The following FBLN5 variants were observed in gnomAD, a reference collection of about 807,000 sequenced individuals.
FBLN5 encodes fibulin 5, also known as fibulin-5.
Under a neutral mutation model 61.6 loss-of-function variants are expected in FBLN5, and 24 were observed. The ratio of observed to expected loss-of-function variants is 0.39; its 90% CI spans 0.28 to 0.55. The LOEUF (loss-of-function observed/expected upper bound fraction) is 0.55. FBLN5 is among the 20% of genes least tolerant of loss of function. The pLI is 0.65. For synonymous variants in FBLN5, 213 were observed against 219.8 expected, an observed-to-expected ratio of 0.97 and a Z score of 0.27; for missense variants, 470 against 594.1, an observed-to-expected ratio of 0.79 and a Z score of 2.17.
At chr14:91,926,039 C>T (rs2055822271) in intron 4 of FBLN5, among the ~76,000 whole-genome samples, 1 of 152,168 alleles carries the variant, frequency 6.6e-6, no homozygotes, top group Admixed American at 6.5e-5. Flanking sequence ...CTTCCTTCCG[C>T]CATTCATTCA....
rs1448018949 is a variant in FBLN5, at chr14:91,943,994, G to C, written c.18-1033C>G. Among the ~76,000 whole-genome samples, 2 of 152,174 alleles carry C rather than the reference G, an allele frequency of 1.3e-5. No homozygotes were observed. Among genetic ancestry groups the C allele is most frequent in the African/African-American group, 2.4e-5 (1 of 41,448 alleles). On this transcript the variant is annotated intron_variant, in intron 1 of 10. Coordinates refer to ENST00000342058, the MANE Select transcript of FBLN5 (RefSeq NM_006329.4). This position sits in a 1 kb window ranked among gnomAD's most constrained non-coding sequence, Gnocchi z 4.0. ...GCAACTCTGCCCTTCGCCACGCACA[G>C]GCTTTAATCCAGTAAGATTGTGGCC...
At chr14:91,911,628 CTT>C (rs995437059) in intron 4 of FBLN5, among the ~76,000 whole-genome samples, 1 of 152,230 alleles carries the variant, frequency 6.6e-6, no homozygotes, top group Non-Finnish European at 1.5e-5. Flanking sequence ...TCCAGCAAGT[CTT>C]TCTCAGCTCG....
Position 91,870,185 on chromosome 14 carries a change from T to C in FBLN5, c.*39A>G. On this transcript the variant is annotated 3_prime_UTR_variant, in exon 11 of 11. Coordinates refer to ENST00000342058, the MANE Select transcript of FBLN5 (RefSeq NM_006329.4). ...TTTCCTCTCTTCTCCTGTCCCTTGG[T>C]GCCAATGAGAGGCAGCGTCGGAGGC... 6.3e-7 allele frequency: 1 copy of C among 1,597,146 alleles called. No individual in the cohort carries two copies.
chr14:91,929,303 T>C (rs973422848), intron 4 of FBLN5, among the ~76,000 whole-genome samples: 7 of 152,130 alleles, frequency 4.6e-5, no homozygotes, highest in Non-Finnish European at 7.4e-5. Context: ...GTCAATACCA[T>C]CCCAGGTACT....
chr14:91,942,645 T>A (rs191229827), intron 2 of FBLN5, among the ~76,000 whole-genome samples: 6 of 152,248 alleles, frequency 3.9e-5, no homozygotes, highest in Admixed American at 2.6e-4. Flanking sequence ...GAACTTATAA[T>A]AAAATAGAAA....
At chr14:91,932,524 G>A (rs1041960228) in intron 4 of FBLN5, among the ~76,000 whole-genome samples, 1 of 152,182 alleles carries the variant, frequency 6.6e-6, no homozygotes, top group African/African-American at 2.4e-5. Context: ...CCTAGAAAAA[G>A]TAAACCGCCG....
intron 4 of FBLN5, among the ~76,000 whole-genome samples, chr14:91,934,309 C>A (rs1315848233): frequency 6.6e-6 from 1 of 152,202 alleles, no homozygotes. Context: ...TCATTCAAAG[C>A]CTGAATGGTT....
Position 91,877,579 on chromosome 14 carries a change from T to C in FBLN5, c.1093A>G (p.Ile365Val), listed in dbSNP as rs140452924. The change falls in exon 10 of 11, where the codon ATC (isoleucine) becomes GTC (valine). Residue 365 changes from isoleucine to valine, a missense_variant. Coordinates refer to ENST00000342058, the MANE Select transcript of FBLN5 (RefSeq NM_006329.4). ...VVSGRSVPAD[I>V]FQMQATTRYP... ...CGGGTCGTGGCTTGCATTTGGAAGA[T>C]GTCAGCGGGAACGGAGCGTCCTGAC... The C allele has an allele frequency of 1.0e-4, 163 of 1,614,058 alleles. No homozygotes were observed. Among genetic ancestry groups the C allele is most frequent in the Non-Finnish European group, 1.3e-4 (156 of 1,180,016 alleles).
At chr14:91,936,074 TA>T (rs1482806764) in intron 4 of FBLN5, among the ~76,000 whole-genome samples, 1 of 152,160 alleles carries the variant, frequency 6.6e-6, no homozygotes, top group Non-Finnish European at 1.5e-5. Flanking sequence ...ACAGCTTCCC[TA>T]ATAGTGGGTT....
intron 3 of FBLN5, among the ~76,000 whole-genome samples, chr14:91,939,337 ATT>A (rs5810562): frequency 0.14 from 15,878 of 115,804 alleles, 1,142 homozygotes; most frequent in African/African-American, 0.28. Context: ...ACCTCCATTA[ATT>A]TTTTTTTTTT....
At chr14:91,892,364 C>T (rs1196980514) in intron 5 of FBLN5, among the ~76,000 whole-genome samples, 1 of 152,130 alleles carries the variant, frequency 6.6e-6, no homozygotes, top group Non-Finnish European at 1.5e-5. Flanking sequence ...CTCCCTGGTC[C>T]CCCTGTTCCT....
At chr14:91,940,000 T>A in intron 3 of FBLN5, 1 of 453,520 alleles carries the variant, frequency 2.2e-6, no homozygotes, top group South Asian at 1.6e-5. Flanking sequence ...TGACTCGCTG[T>A]GTTGGCTTTG....
chr14:91,935,598 G>T (rs1004098873), intron 4 of FBLN5, among the ~76,000 whole-genome samples: 1 of 152,090 alleles, frequency 6.6e-6, no homozygotes, highest in South Asian at 2.1e-4. Flanking sequence ...GTAGACAGGG[G>T]AGAAGTTAGG....
At chr14:91,942,025 A>G (rs899296374) in intron 2 of FBLN5, 1 of 377,970 alleles carries the variant, frequency 2.6e-6, no homozygotes, top group Non-Finnish European at 5.2e-6. Context: ...AAGAGAGAAA[A>G]TGCTCCCCTA....
intron 10 of FBLN5, chr14:91,874,878 A>C (rs1468476558): frequency 1.3e-5 from 2 of 152,414 alleles, no homozygotes; most frequent in Admixed American, 1.3e-4. Context: ...CCCAGGCTGG[A>C]GTGCAGTGGT....
At chr14:91,941,568 G>A (rs1050584377) in intron 2 of FBLN5, among the ~76,000 whole-genome samples, 1 of 152,100 alleles carries the variant, frequency 6.6e-6, no homozygotes, top group Non-Finnish European at 1.5e-5. Flanking sequence ...GAGGGTTCAG[G>A]GGTCCCAGGG....
intron 4 of FBLN5, among the ~76,000 whole-genome samples, chr14:91,926,132 G>A (rs1445455627): frequency 1.3e-5 from 2 of 152,148 alleles, no homozygotes; most frequent in African/African-American, 4.8e-5. Context: ...TTTGTCTCAG[G>A]AATCCCCCTG....
intron 3 of FBLN5, among the ~76,000 whole-genome samples, chr14:91,940,307 C>G (rs529169928): frequency 6.6e-6 from 1 of 152,138 alleles, no homozygotes; most frequent in Admixed American, 6.5e-5. Flanking sequence ...TAATTTGTTA[C>G]GGCAGCCCTA....
Position 91,870,106 on chromosome 14 carries a change from G to T in FBLN5, c.*118C>A. 9.1e-7 allele frequency: 1 copy of T among 1,097,588 alleles called. No homozygotes were observed. The highest frequency in any genetic ancestry group is 1.4e-6 in the Non-Finnish European group (1 of 732,504). The allele number at this position is 1,097,588 out of a possible 1,614,324, so 68.0% of individuals were successfully genotyped here. A position where few individuals can be genotyped will look rare whatever the true frequency, so the allele number is the denominator to read the frequency against. ...AGGAAGTCGGGGCTGACTCTTCGGGGAAACGTTCAGCAGGAAATGCCTAAC... is the reference window on the plus strand; with the variant it reads ...AGGAAGTCGGGGCTGACTCTTCGGGTAAACGTTCAGCAGGAAATGCCTAAC... On this transcript the variant is annotated 3_prime_UTR_variant, in exon 11 of 11. Coordinates refer to ENST00000342058, the MANE Select transcript of FBLN5 (RefSeq NM_006329.4).
Sources: gnomAD v4.1 joint callset for allele counts (sites outside exome capture counted in the v4.1 genomes callset) on GRCh38, gnomAD v4.1.1 for gene constraint, Gnocchi (gnomAD v3.1) non-coding constraint, MANE v1.5 for transcripts, NCBI Gene and HGNC (gene_info 2026-07-23, HGNC 2026-07-21) for gene names.